Variants in CSMD1 observed in about 807,000 individuals in gnomAD.
CSMD1 encodes the protein CUB and sushi domain-containing protein 1.
In CSMD1, 213 loss-of-function variants were observed where a neutral mutation model predicts 417.5. The observed-to-expected ratio is 0.51, with a 90% CI of 0.46 to 0.57. The LOEUF (loss-of-function observed/expected upper bound fraction) is 0.57. Ranked by LOEUF, CSMD1 falls within the 20% of genes least tolerant of loss-of-function variation. The pLI is 0.00. For missense variants in CSMD1, 6,923 were observed against 4,529.7 expected (o/e 1.53, Z -15.17); for synonymous variants, 2,862 against 1,736.8 (o/e 1.65, Z -16.11).
At chr8:4,657,433 T>A (rs1431887897) in intron 1 of CSMD1, among the ~76,000 whole-genome samples, 1 of 152,142 alleles carries the variant, frequency 6.6e-6, no homozygotes, top group Admixed American at 6.6e-5. Context: ...TGTCTCTCTT[T>A]CTCACTCACG....
intron 5 of CSMD1, among the ~76,000 whole-genome samples, chr8:3,947,936 C>T (rs1214148057): frequency 2.6e-5 from 4 of 152,218 alleles, no homozygotes; most frequent in East Asian, 3.9e-4. Context: ...CTGGGGGTGG[C>T]GTCTCATGCC....
intron 5 of CSMD1, among the ~76,000 whole-genome samples, chr8:3,801,575 G>T (rs1439042784): frequency 1.3e-5 from 2 of 152,014 alleles, no homozygotes; most frequent in East Asian, 1.9e-4. Flanking sequence ...TTCCTCAAAT[G>T]GTTAAAATTA....
At chr8:4,156,280 G>A (rs1198464742) in intron 3 of CSMD1, among the ~76,000 whole-genome samples, 1 of 152,224 alleles carries the variant, frequency 6.6e-6, no homozygotes, top group African/African-American at 2.4e-5. Context: ...AAGAGTTGAT[G>A]GGGTTGAAAA....
chr8:3,771,271 G>C lies in CSMD1; in HGVS notation c.819-17229C>G, dbSNP rs959511125. Reference sequence around the variant, plus strand: ...GTGAGCCACTCTTGCTTTGAGGTTAGGTCCAGAGGCTGCACCTGCTGGTGC... The same window carrying C: ...GTGAGCCACTCTTGCTTTGAGGTTACGTCCAGAGGCTGCACCTGCTGGTGC... On this transcript the variant is annotated intron_variant, in intron 5 of 69. Transcript: ENST00000635120. Among the ~76,000 whole-genome samples the C allele has an allele frequency of 8.5e-5, 13 of 152,140 alleles. 1 individual carries two copies. The highest frequency in any genetic ancestry group is 7.9e-4 in the Admixed American group (12 of 15,270).
At chr8:4,197,603 AC>A (rs1799413866) in intron 3 of CSMD1, among the ~76,000 whole-genome samples, 1 of 152,170 alleles carries the variant, frequency 6.6e-6, no homozygotes, top group Admixed American at 6.5e-5. Flanking sequence ...TTCCAGCTGG[AC>A]ATGGTGGCTC....
At chr8:3,569,420 G>C (rs1055919864) in intron 10 of CSMD1, among the ~76,000 whole-genome samples, 6 of 152,174 alleles carry the variant, frequency 3.9e-5, no homozygotes, top group African/African-American at 1.2e-4. Context: ...GACTAGGAAA[G>C]AGTATGAATC....
intron 1 of CSMD1, among the ~76,000 whole-genome samples, chr8:4,763,129 G>A (rs1234374033): frequency 1.3e-5 from 2 of 152,144 alleles, no homozygotes; most frequent in South Asian, 2.1e-4. Flanking sequence ...TTACAAAGAC[G>A]AAGAGGTTAA....
chr8:2,981,701 G>C (rs1403009954), intron 54 of CSMD1, among the ~76,000 whole-genome samples: 1 of 152,214 alleles, frequency 6.6e-6, no homozygotes, highest in Non-Finnish European at 1.5e-5. Context: ...CCAGCAGGGA[G>C]AAGTTCAAAT....
At chr8:4,027,758 T>C (rs1380229526) in intron 4 of CSMD1, among the ~76,000 whole-genome samples, 1 of 151,986 alleles carries the variant, frequency 6.6e-6, no homozygotes, top group Admixed American at 6.6e-5. Context: ...AGAAGGGAAA[T>C]AAATAACTAA....
Position 3,744,182 on chromosome 8 carries a change from C to T in CSMD1, c.931+9748G>A, listed in dbSNP as rs1038372758. ...ATTGACAAGGGCATGGAAGGTCTGG[C>T]GGGAGTGGGAGTTGAGGACAGGGAT... is the stretch of plus-strand genomic sequence containing the variant. On this transcript the variant is annotated intron_variant, in intron 6 of 69. Transcript: ENST00000635120. 3.9e-5 allele frequency among the ~76,000 whole-genome samples: 6 copies of T among 152,042 alleles called. No homozygotes were observed. In the East Asian group the frequency reaches 5.8e-4, roughly 15 times the overall value.
chr8:4,165,325 A>G lies in CSMD1; in HGVS notation c.416-133226T>C, dbSNP rs543318103. 3.3e-5 allele frequency among the ~76,000 whole-genome samples: 5 copies of G among 152,360 alleles called. No homozygotes were observed. In the South Asian group the frequency reaches 1.0e-3, roughly 32 times the overall value. On this transcript the variant is annotated intron_variant, in intron 3 of 69. Coordinates refer to ENST00000635120, the MANE Select transcript of CSMD1 (RefSeq NM_033225.6). The stretch of plus-strand genomic sequence containing the variant: ...GTGTGCCGGGTATCTCAGCTGTAGA[A>G]GCGCAAACACGTGGTGTCCCACAAA...
At chr8:4,488,452 C>G (rs973974493) in intron 2 of CSMD1, among the ~76,000 whole-genome samples, 1 of 152,042 alleles carries the variant, frequency 6.6e-6, no homozygotes, top group Non-Finnish European at 1.5e-5. Flanking sequence ...AAGTAGTATG[C>G]TCAAATGAAT....
intron 49 of CSMD1, among the ~76,000 whole-genome samples, chr8:3,076,546 T>C (rs1393609440): frequency 6.6e-6 from 1 of 152,204 alleles, no homozygotes; most frequent in Non-Finnish European, 1.5e-5. Context: ...GTCACAGGAC[T>C]CTGTGGCTCT....
At chr8:3,573,439 A>C (rs1800023531) in intron 10 of CSMD1, among the ~76,000 whole-genome samples, 1 of 152,256 alleles carries the variant, frequency 6.6e-6, no homozygotes, top group African/African-American at 2.4e-5. Context: ...GAGAAATACC[A>C]GAATCAAACT....
chr8:3,495,948 A>T (rs910873364), intron 10 of CSMD1, among the ~76,000 whole-genome samples: 2 of 152,114 alleles, frequency 1.3e-5, no homozygotes, highest in African/African-American at 4.8e-5. Flanking sequence ...CAGGATGTGC[A>T]GGTTTGGGAC....
At chr8:3,271,092 C>G (rs1344182446) in intron 26 of CSMD1, among the ~76,000 whole-genome samples, 2 of 122,806 alleles carry the variant, frequency 1.6e-5, no homozygotes, top group African/African-American at 3.0e-5. Flanking sequence ...CCCCACCCCA[C>G]AACAGTCCCC....
chr8:4,714,748 T>C (rs1808539105), intron 1 of CSMD1, among the ~76,000 whole-genome samples: 1 of 152,130 alleles, frequency 6.6e-6, no homozygotes, highest in African/African-American at 2.4e-5. Context: ...CCACTTAAAT[T>C]TTGCTGAAAT....
At chr8:4,583,492 C>T (rs1224885955) in intron 2 of CSMD1, among the ~76,000 whole-genome samples, 1 of 151,790 alleles carries the variant, frequency 6.6e-6, no homozygotes, top group African/African-American at 2.4e-5. Flanking sequence ...TTATGTCTAG[C>T]TCAGGGATTG....
At chr8:3,246,536 G>A (rs779437875) in intron 26 of CSMD1, among the ~76,000 whole-genome samples, 2 of 152,018 alleles carry the variant, frequency 1.3e-5, no homozygotes, top group African/African-American at 2.4e-5. Flanking sequence ...CAGTGACTCA[G>A]TCTGGGCTCA....
Sources: gnomAD v4.1 joint callset for allele counts (sites outside exome capture counted in the v4.1 genomes callset) on GRCh38, gnomAD v4.1.1 for gene constraint, MANE v1.5 for transcripts, NCBI Gene and HGNC (gene_info 2026-07-23, HGNC 2026-07-21) for gene names.